The following DMGDH variants were observed in gnomAD, a reference collection of about 807,000 sequenced individuals.
DMGDH encodes the protein dimethylglycine dehydrogenase, mitochondrial.
Under a neutral mutation model 95.2 loss-of-function variants are expected in DMGDH, and 76 were observed. The observed-to-expected ratio is 0.80, with a 90% CI of 0.66 to 0.97. The LOEUF is 0.97. Among genes scored for constraint, DMGDH ranks in the 50% least tolerant of loss-of-function variants. The pLI, the probability that DMGDH is intolerant of heterozygous loss-of-function variation, is 0.00. For missense variants in DMGDH, 987 were observed against 1,055.0 expected, an observed-to-expected ratio of 0.94 and a Z score of 0.89; for synonymous variants, 345 against 377.6, an observed-to-expected ratio of 0.91 and a Z score of 1.00.
rs1753468965 is a variant in DMGDH, at chr5:79,002,368, T to C, written c.2385+2905A>G. ...AGAAAGCCTTTCTCATGACCATCTT[T>C]ATGCCTTGATTTCAAAAAAATTAAA... On this transcript the variant is annotated intron_variant, in intron 15 of 15. Coordinates refer to ENST00000255189, the MANE Select transcript of DMGDH (RefSeq NM_013391.3). Among the ~76,000 whole-genome samples the C allele has an allele frequency of 3.3e-5, 5 of 152,254 alleles. No individual in the cohort carries two copies. The South Asian group carries it at 1.0e-3, about 31-fold the overall frequency.
chr5:79,056,369 C>T (rs1022084466), intron 2 of DMGDH, among the ~76,000 whole-genome samples: 1 of 149,192 alleles, frequency 6.7e-6, no homozygotes, highest in African/African-American at 2.5e-5. Flanking sequence ...ATGGTGAAAC[C>T]CCGTCTCTAT....
At chr5:79,066,320 C>A (rs1755378736) in intron 1 of DMGDH, among the ~76,000 whole-genome samples, 2 of 151,920 alleles carry the variant, frequency 1.3e-5, no homozygotes, top group African/African-American at 4.8e-5. Flanking sequence ...GAGTCTTGCT[C>A]TGTTGCCCAG....
In DMGDH at chr5:79,064,210, A is replaced by G. The variant is rs559423744; in HGVS notation, c.102-423T>C. Among the ~76,000 whole-genome samples the G allele has an allele frequency of 3.3e-5, 5 of 152,148 alleles. No individual in the cohort carries two copies. The East Asian group carries it at 9.7e-4, about 29-fold the overall frequency. The stretch of plus-strand genomic sequence containing the variant: ...TCTATAAAAAATACAAAAATTATCC[A>G]GGCTTGGTGGCACATGCCTATAGTC... On this transcript the variant is annotated intron_variant, in intron 1 of 15. Transcript: ENST00000255189.
At chr5:79,037,117 G>A (rs1010491654) in intron 7 of DMGDH, among the ~76,000 whole-genome samples, 1 of 152,068 alleles carries the variant, frequency 6.6e-6, no homozygotes. Context: ...CTGCCATGAC[G>A]GCTCTGTGAT....
chr5:79,047,091 A>G (rs1754699328), intron 5 of DMGDH, among the ~76,000 whole-genome samples: 3 of 152,082 alleles, frequency 2.0e-5, no homozygotes, highest in Admixed American at 2.0e-4. Flanking sequence ...ATGTCAATCA[A>G]ATTAACCTAA....
At chr5:79,053,662 A>T (rs16876397) in intron 4 of DMGDH, among the ~76,000 whole-genome samples, 10,898 of 152,236 alleles carry the variant, frequency 0.072, 863 homozygotes, top group African/African-American at 0.18. Flanking sequence ...CTAGGAAAAA[A>T]CACTAAATTT....
intron 14 of DMGDH, chr5:79,021,082 TC>T: frequency 2.0e-6 from 2 of 986,182 alleles, no homozygotes; most frequent in Non-Finnish European, 1.2e-6. Flanking sequence ...ATGATATGAG[TC>T]GTTTCAGGTG....
At chr5:79,024,685 T>C (rs189703343) in intron 13 of DMGDH, among the ~76,000 whole-genome samples, 1 of 152,368 alleles carries the variant, frequency 6.6e-6, no homozygotes, top group Non-Finnish European at 1.5e-5. Context: ...TGAAAAGTTA[T>C]TAAACAATTT....
chr5:79,069,632 G>C lies in DMGDH; in HGVS notation c.-12C>G, dbSNP rs57739060. 1,981 of 1,358,136 alleles carry C rather than the reference G, an allele frequency of 1.5e-3. 22 individuals are homozygous for C. In the African/African-American group the frequency reaches 0.024, roughly 16 times the overall value. The allele number at this position is 1,358,136 out of a possible 1,614,324, so 84.1% of individuals were successfully genotyped here. A position where few individuals can be genotyped will look rare whatever the true frequency, so the allele number is the denominator to read the frequency against. On this transcript the variant is annotated 5_prime_UTR_variant, in exon 1 of 16. Transcript: ENST00000255189. ...CCGGGACGGAGCATGACTAGGCCGA[G>C]GCCGAGGGCGCAGGCGCCTGCTCCG...
intron 14 of DMGDH, among the ~76,000 whole-genome samples, chr5:79,006,464 A>T (rs552566498): frequency 6.6e-6 from 1 of 152,326 alleles, no homozygotes; most frequent in Admixed American, 6.5e-5. Flanking sequence ...GAGGGCTGAC[A>T]TCCGTGGGAG....
rs528042008 is a variant in DMGDH, at chr5:79,042,536, T to C, written c.995-55A>G. On this transcript the variant is annotated intron_variant, in intron 6 of 15. Transcript: ENST00000255189. Reference sequence around the variant, plus strand: ...GCCGTAGCTGAGCTGACAAGTCCTGTAAAGTGATTTAAGCCTCTGACATGG... The same window carrying C: ...GCCGTAGCTGAGCTGACAAGTCCTGCAAAGTGATTTAAGCCTCTGACATGG... 4.5e-6 allele frequency: 7 copies of C among 1,546,592 alleles called. No individual in the cohort carries two copies. In the East Asian group the frequency reaches 9.0e-5, roughly 20 times the overall value.
chr5:79,045,145 G>A (rs1754635765), intron 5 of DMGDH, among the ~76,000 whole-genome samples: 1 of 152,124 alleles, frequency 6.6e-6, no homozygotes, highest in Non-Finnish European at 1.5e-5. Context: ...AGCACATTAA[G>A]TTTTATCTGT....
chr5:79,066,484 C>T (rs1023316015), intron 1 of DMGDH, among the ~76,000 whole-genome samples: 21 of 148,908 alleles, frequency 1.4e-4, no homozygotes, highest in Admixed American at 2.0e-4. Context: ...TTAGTAGAGA[C>T]GGGGTTTCTC....
At chr5:79,062,361 G>A (rs968358242) in intron 2 of DMGDH, among the ~76,000 whole-genome samples, 1 of 150,822 alleles carries the variant, frequency 6.6e-6, no homozygotes. Context: ...AGATTCAGCT[G>A]GAAGCAGGCA....
chr5:79,028,447 C>CT lies in DMGDH; in HGVS notation c.2017dup (p.Arg673LysfsTer7). 1 of 1,612,958 alleles carries CT rather than the reference C, an allele frequency of 6.2e-7. No individual in the cohort carries two copies. Among genetic ancestry groups the CT allele is most frequent in the Non-Finnish European group, 8.5e-7 (1 of 1,179,064 alleles). ...TCCAATCTTACCAGTATAAGATATC[C>CT]TAATAGCAGTGACAGGAATGTTGGA... On this transcript the variant is annotated frameshift_variant, in exon 12 of 16. Transcript: ENST00000255189. LOFTEE classifies it high-confidence loss of function.
chr5:79,013,599 G>A (rs551694584), intron 14 of DMGDH, among the ~76,000 whole-genome samples: 36 of 152,254 alleles, frequency 2.4e-4, no homozygotes, highest in African/African-American at 8.4e-4. Flanking sequence ...CTGCTATAAA[G>A]AAATGCCTGA....
In DMGDH at chr5:79,063,612, C is replaced by T; in HGVS notation, c.276+1G>A. ...ATGACAGTTTGGGGTGCTTTTCTTA[C>T]TGCGTGCCAGGTAGATCCAGCCGTG... On this transcript the variant is annotated splice_donor_variant, in intron 2 of 15. Transcript: ENST00000255189. LOFTEE classifies it high-confidence loss of function. The T allele has an allele frequency of 6.2e-7, 1 of 1,614,154 alleles. No individual in the cohort carries two copies. Among genetic ancestry groups the T allele is most frequent in the Non-Finnish European group, 8.5e-7 (1 of 1,180,022 alleles).
intron 5 of DMGDH, among the ~76,000 whole-genome samples, chr5:79,046,091 T>TTGTTC (rs1177670193): frequency 2.2e-5 from 3 of 138,002 alleles, no homozygotes. Flanking sequence ...TTGTTTTGTT[T>TTGTTC]TGTTTTGTTT....
At chr5:79,053,642 T>G (rs567171664) in intron 4 of DMGDH, among the ~76,000 whole-genome samples, 85 of 152,310 alleles carry the variant, frequency 5.6e-4, no homozygotes, top group African/African-American at 2.0e-3. Context: ...TCAAAAGGAA[T>G]TATTACCCAC....
Sources: gnomAD v4.1 joint callset for allele counts (sites outside exome capture counted in the v4.1 genomes callset) on GRCh38, gnomAD v4.1.1 for gene constraint, MANE v1.5 for transcripts, NCBI Gene and HGNC (gene_info 2026-07-23, HGNC 2026-07-21) for gene names.